Variants in RABL3 observed in about 807,000 individuals in gnomAD.
RABL3 encodes RAB, member of RAS oncogene family like 3.
A neutral mutation model predicts 31.8 loss-of-function variants in RABL3; 31 were observed. The ratio of observed to expected loss-of-function variants is 0.97; its 90% confidence interval spans 0.73 to 1.31. The LOEUF is 1.31. RABL3 is among the 40% of genes most tolerant of loss of function. RABL3 has a pLI of 0.00. For missense variants in RABL3, 263 were observed against 279.6 expected, an observed-to-expected ratio of 0.94 and a Z score of 0.42; for synonymous variants, 97 against 99.9, an observed-to-expected ratio of 0.97 and a Z score of 0.18.
In RABL3 at chr3:120,741,113, A is replaced by C. The variant is rs562551117; in HGVS notation, c.46+1349T>G. Among the ~76,000 whole-genome samples the C allele has an allele frequency of 2.6e-5, 4 of 152,386 alleles. No homozygotes were observed. In the South Asian group the frequency reaches 6.2e-4, roughly 24 times the overall value. ...AACACCCACTTAACGTATCATGAAG[A>C]AGTCTGTTAGTTCTGGATTGTAAAT... is the stretch of plus-strand genomic sequence containing the variant. On this transcript the variant is annotated intron_variant, in intron 1 of 7. Transcript: ENST00000273375.
At chr3:120,691,644 G>A (rs1389775915) in intron 6 of RABL3, among the ~76,000 whole-genome samples, 1 of 152,192 alleles carries the variant, frequency 6.6e-6, no homozygotes, top group African/African-American at 2.4e-5. Context: ...AATTTACAAG[G>A]GGTTTACTGA....
At chr3:120,725,167 A>G (rs1443971831) in intron 2 of RABL3, among the ~76,000 whole-genome samples, 1 of 152,222 alleles carries the variant, frequency 6.6e-6, no homozygotes, top group Non-Finnish European at 1.5e-5. Flanking sequence ...AAAAGAAGAC[A>G]TTTATGCAGC....
chr3:120,700,461 G>GA (rs1159714799), intron 4 of RABL3, among the ~76,000 whole-genome samples: 1 of 150,730 alleles, frequency 6.6e-6, no homozygotes, highest in African/African-American at 2.4e-5. Context: ...TAGGAGGTTG[G>GA]AAAAAAAACA....
intron 6 of RABL3, among the ~76,000 whole-genome samples, chr3:120,692,785 A>G (rs1156247958): frequency 1.3e-5 from 2 of 152,188 alleles, no homozygotes; most frequent in Non-Finnish European, 2.9e-5. Flanking sequence ...CAGTTTCTCT[A>G]GGATGTAATT....
At chr3:120,730,604 G>T in intron 2 of RABL3, 92 bp downstream of exon 2, 2 of 857,560 alleles carry the variant, frequency 2.3e-6, no homozygotes, top group Non-Finnish European at 1.9e-6. Flanking sequence ...TATTACTATT[G>T]ATCTTGACCA....
chr3:120,704,135 A>G (rs1251298472), intron 4 of RABL3, among the ~76,000 whole-genome samples: 3 of 152,264 alleles, frequency 2.0e-5, no homozygotes, highest in Non-Finnish European at 4.4e-5. Flanking sequence ...CCTGTCATGA[A>G]CATGGATAAA....
intron 1 of RABL3, among the ~76,000 whole-genome samples, chr3:120,734,574 C>A (rs896613879): frequency 6.6e-6 from 1 of 152,190 alleles, no homozygotes; most frequent in Non-Finnish European, 1.5e-5. Context: ...GAACTTCCAA[C>A]ACTATGTTGA....
intron 5 of RABL3, among the ~76,000 whole-genome samples, chr3:120,697,254 AG>A (rs1708447299): frequency 6.6e-6 from 1 of 152,266 alleles, no homozygotes; most frequent in Non-Finnish European, 1.5e-5. Context: ...TGTAGAGCAC[AG>A]GCTCTGAATC....
chr3:120,721,556 C>T (rs543443227), intron 2 of RABL3, among the ~76,000 whole-genome samples: 2 of 151,790 alleles, frequency 1.3e-5, no homozygotes, highest in South Asian at 4.2e-4. Flanking sequence ...GACTTTAAAC[C>T]AACAAAGATC....
intron 6 of RABL3, among the ~76,000 whole-genome samples, chr3:120,691,576 A>G (rs1708380737): frequency 6.6e-6 from 1 of 152,244 alleles, no homozygotes; most frequent in African/African-American, 2.4e-5. Flanking sequence ...GGCTAGGCTA[A>G]GCTGCGATGC....
intron 6 of RABL3, 148 bp from the exon 7 acceptor site, chr3:120,690,635 C>G (rs980605910): frequency 1.8e-6 from 1 of 559,946 alleles, no homozygotes; most frequent in African/African-American, 1.9e-5. Flanking sequence ...AGCTAAAAAT[C>G]TGGTGTTAAT....
Position 120,733,487 on chromosome 3 carries a change from C to T in RABL3, c.47-2700G>A, listed in dbSNP as rs368283949. On this transcript the variant is annotated intron_variant, in intron 1 of 7. Coordinates refer to ENST00000273375, the MANE Select transcript of RABL3 (RefSeq NM_173825.5). Reference sequence around the variant, plus strand: ...CTTTGTCAGATGAGTAGATTGCAAACATTTTCTCCCATTCTGTAGGTTGCC... The same window carrying T: ...CTTTGTCAGATGAGTAGATTGCAAATATTTTCTCCCATTCTGTAGGTTGCC... Among the ~76,000 whole-genome samples the T allele has an allele frequency of 8.2e-3, 1,251 of 152,120 alleles. 31 individuals carry two copies. In the South Asian group the frequency reaches 0.089, roughly 11 times the overall value.
intron 2 of RABL3, among the ~76,000 whole-genome samples, chr3:120,716,292 T>C (rs1708668958): frequency 6.6e-6 from 1 of 152,230 alleles, no homozygotes. Flanking sequence ...ACAGCAAAGT[T>C]AAAGACAGGA....
intron 4 of RABL3, among the ~76,000 whole-genome samples, chr3:120,701,535 A>C (rs1708491523): frequency 6.6e-6 from 1 of 152,182 alleles, no homozygotes; most frequent in African/African-American, 2.4e-5. Context: ...TTTAAGGATA[A>C]GTTTCTTAAG....
At chr3:120,704,103 AAC>A (rs1708522904) in intron 4 of RABL3, among the ~76,000 whole-genome samples, 2 of 152,260 alleles carry the variant, frequency 1.3e-5, no homozygotes, top group Non-Finnish European at 2.9e-5. Flanking sequence ...ACATTATGAG[AAC>A]AGAAAACTAC....
At chr3:120,741,705 G>A (rs964399703) in intron 1 of RABL3, among the ~76,000 whole-genome samples, 1 of 152,010 alleles carries the variant, frequency 6.6e-6, no homozygotes, top group Admixed American at 6.6e-5. Context: ...TTTAACACTA[G>A]GATTAAATTG....
Position 120,686,845 on chromosome 3 carries a change from G to T in RABL3, c.*2978C>A, listed in dbSNP as rs1164291778. 2.0e-5 allele frequency: 3 copies of T among 152,164 alleles called. No homozygotes were observed. The highest frequency in any genetic ancestry group is 4.4e-5 in the Non-Finnish European group (3 of 68,042). 9.4% of individuals were successfully genotyped at this position (152,164 alleles called of 1,614,324 possible). On this transcript the variant is annotated 3_prime_UTR_variant, in exon 8 of 8. Coordinates refer to ENST00000273375, the MANE Select transcript of RABL3 (RefSeq NM_173825.5). Reference sequence around the variant, plus strand: ...GGACATAATCTAATGGTAATAAACTGTGGAGAACTTAGCAAGTCCTATTTG... The same window carrying T: ...GGACATAATCTAATGGTAATAAACTTTGGAGAACTTAGCAAGTCCTATTTG...
Position 120,721,898 on chromosome 3 carries a change from C to G in RABL3, c.138+8798G>C, listed in dbSNP as rs538538601. ...ACATTCTTTTCAGCACCACACCACA[C>G]CTATTCCAAAACTGACCACACAGTT... On this transcript the variant is annotated intron_variant, in intron 2 of 7. Coordinates refer to ENST00000273375, the MANE Select transcript of RABL3 (RefSeq NM_173825.5). The G allele has an allele frequency of 3.3e-5, 5 of 152,324 alleles. No homozygotes were observed. In the South Asian group the frequency reaches 1.0e-3, roughly 32 times the overall value. The allele number at this position is 152,324 out of a possible 1,614,324, so 9.4% of individuals were successfully genotyped here. A position where few individuals can be genotyped will look rare whatever the true frequency, so the allele number is the denominator to read the frequency against.
chr3:120,708,949 A>G (rs1389929446), intron 3 of RABL3, among the ~76,000 whole-genome samples: 1 of 151,870 alleles, frequency 6.6e-6, no homozygotes, highest in Non-Finnish European at 1.5e-5. Flanking sequence ...CAGAAGAGGA[A>G]TATAAGGAAT....
Sources: allele counts gnomAD v4.1 joint callset (sites outside exome capture counted in the v4.1 genomes callset), GRCh38; gene constraint gnomAD v4.1.1; transcripts MANE v1.5; gene names NCBI Gene and HGNC (gene_info 2026-07-23, HGNC 2026-07-21).